The following COLEC11 variants were observed in gnomAD, a reference collection of about 807,000 sequenced individuals.
COLEC11 encodes collectin subfamily member 11, also known as collectin-11.
A neutral mutation model predicts 27.3 loss-of-function variants in COLEC11; 20 were observed. The ratio of observed to expected loss-of-function variants is 0.73; its 90% CI spans 0.51 to 1.06. The LOEUF is 1.06. COLEC11 is among the 50% of genes least tolerant of loss of function. The pLI is 0.00. For synonymous variants in COLEC11, 163 were observed against 154.7 expected (o/e 1.05, Z -0.40); for missense variants, 310 against 383.0 (o/e 0.81, Z 1.59).
chr2:3,613,790 TTCTG>T (rs1236394971), intron 3 of COLEC11, among the ~76,000 whole-genome samples: 2 of 152,162 alleles, frequency 1.3e-5, no homozygotes, highest in Non-Finnish European at 2.9e-5. Context: ...AGTCGTGTGA[TTCTG>T]CCTGCCTCGT....
chr2:3,605,510 T>C (rs148606592), intron 2 of COLEC11, among the ~76,000 whole-genome samples: 15 of 11,796 alleles, frequency 1.3e-3, no homozygotes, highest in East Asian at 5.7e-3. Flanking sequence ...ACGTGGGTGC[T>C]GAGGAGGCGG....
In COLEC11 at chr2:3,624,482, A is replaced by C. The variant is rs116597037; in HGVS notation, c.202+11100A>C. On this transcript the variant is annotated intron_variant, in intron 3 of 6. Coordinates refer to ENST00000349077, the MANE Select transcript of COLEC11 (RefSeq NM_024027.5). ...CAGTATTGGAGGTGAGACAAGAAAGAAGCAGACTTTTTTTGGGCAGCATCC... is the reference window on the plus strand; with the variant it reads ...CAGTATTGGAGGTGAGACAAGAAAGCAGCAGACTTTTTTTGGGCAGCATCC... 3.6e-3 allele frequency among the ~76,000 whole-genome samples: 545 copies of C among 152,210 alleles called. 3 individuals carry two copies. The highest frequency in any genetic ancestry group is 0.012 in the African/African-American group (518 of 41,502).
chr2:3,613,297 G>C lies in COLEC11; in HGVS notation c.131-14G>C, dbSNP rs762310425. The C allele has an allele frequency of 6.2e-7, 1 of 1,607,130 alleles. No homozygotes were observed. On this transcript the variant is annotated splice_polypyrimidine_tract_variant and intron_variant, in intron 2 of 6. Transcript: ENST00000349077. ...GCCAGACGAGCTGCTAAATGGATGT[G>C]ACTTCTTCCACAGGGGATGCGGGAG...
chr2:3,616,609 A>G (rs1663759206), intron 3 of COLEC11, among the ~76,000 whole-genome samples: 2 of 152,144 alleles, frequency 1.3e-5, no homozygotes, highest in Non-Finnish European at 2.9e-5. Flanking sequence ...AAATACGAAA[A>G]CCAGTCAGGC....
chr2:3,618,174 A>G (rs575710947), intron 3 of COLEC11, among the ~76,000 whole-genome samples: 4 of 152,236 alleles, frequency 2.6e-5, no homozygotes, highest in African/African-American at 9.6e-5. Flanking sequence ...TTTCTTTGCT[A>G]TGCAGAAACT....
chr2:3,597,760 A>G (rs558177074), intron 1 of COLEC11, among the ~76,000 whole-genome samples: 19 of 152,080 alleles, frequency 1.2e-4, no homozygotes, highest in African/African-American at 4.3e-4. Context: ...GTGGGGAGGA[A>G]GAGTTTACTA....
At chr2:3,642,892 C>T (rs1022121488) in intron 5 of COLEC11, among the ~76,000 whole-genome samples, 4 of 152,204 alleles carry the variant, frequency 2.6e-5, no homozygotes, top group African/African-American at 7.2e-5. Context: ...TGTGTGCCCA[C>T]GATGCCCAGC....
intron 3 of COLEC11, among the ~76,000 whole-genome samples, chr2:3,631,582 A>G (rs1665003875): frequency 6.6e-6 from 1 of 152,158 alleles, no homozygotes; most frequent in South Asian, 2.1e-4. Flanking sequence ...GCAGAAGGGA[A>G]TAAGGAGGGA....
intron 3 of COLEC11, among the ~76,000 whole-genome samples, chr2:3,614,878 A>T: frequency 6.6e-6 from 1 of 152,250 alleles, no homozygotes; most frequent in East Asian, 1.9e-4. Flanking sequence ...AATATCACAT[A>T]CAAAGAATTA....
intron 2 of COLEC11, among the ~76,000 whole-genome samples, chr2:3,612,487 A>C (rs1454559056): frequency 3.3e-5 from 5 of 151,746 alleles, no homozygotes; most frequent in Admixed American, 6.5e-5. Context: ...GGCACAGAGT[A>C]GGGAAAGACC....
At chr2:3,620,869 T>A (rs1664133603) in intron 3 of COLEC11, among the ~76,000 whole-genome samples, 1 of 152,242 alleles carries the variant, frequency 6.6e-6, no homozygotes, top group Non-Finnish European at 1.5e-5. Context: ...TGATTCCTAG[T>A]TTTATCCTGT....
At chr2:3,624,738 C>T (rs1226977681) in intron 3 of COLEC11, among the ~76,000 whole-genome samples, 1 of 152,234 alleles carries the variant, frequency 6.6e-6, no homozygotes, top group African/African-American at 2.4e-5. Context: ...AACTTCTCCA[C>T]TGGACTTCCA....
intron 5 of COLEC11, among the ~76,000 whole-genome samples, chr2:3,641,741 G>A (rs1362235582): frequency 1.3e-5 from 2 of 152,224 alleles, no homozygotes; most frequent in Non-Finnish European, 2.9e-5. Flanking sequence ...CACGTATGAG[G>A]GCGAGGAAGG....
At chr2:3,637,351 C>T (rs994546934) in intron 3 of COLEC11, among the ~76,000 whole-genome samples, 182 bp from the exon 4 acceptor site, 10 of 152,082 alleles carry the variant, frequency 6.6e-5, no homozygotes, top group Admixed American at 2.0e-4. Context: ...TATCAACAGG[C>T]GACCTGCCTG....
At chr2:3,599,186 T>G (rs1300453746) in intron 1 of COLEC11, among the ~76,000 whole-genome samples, 3 of 152,212 alleles carry the variant, frequency 2.0e-5, no homozygotes, top group African/African-American at 4.8e-5. Context: ...TGCGTGATGG[T>G]GCTGATCTCT....
chr2:3,642,313 G>A (rs893501266), intron 5 of COLEC11, among the ~76,000 whole-genome samples: 7 of 152,186 alleles, frequency 4.6e-5, no homozygotes, highest in Non-Finnish European at 1.0e-4. Flanking sequence ...AGCAGCACGC[G>A]TGTGGTCACA....
intron 2 of COLEC11, chr2:3,606,061 T>G (rs1662667755): frequency 6.5e-7 from 1 of 1,547,628 alleles, no homozygotes. Flanking sequence ...TCAGAAGTTT[T>G]GGTGAAAGTG....
rs114664972 is a variant in COLEC11 at position 3,606,464 on chromosome 2, C to T, written c.130+1994C>T. Among the ~76,000 whole-genome samples, 1,195 of 152,300 alleles carry T rather than the reference C, an allele frequency of 7.8e-3. 23 individuals carry two copies. Among genetic ancestry groups the T allele is most frequent in the African/African-American group, 0.027 (1,128 of 41,570 alleles). ...GCTGTGGGTCAGCCGTCCTGCGTGACGGGTCACCTGTCCTCCCAAGCCTCG... is the reference window on the plus strand; with the variant it reads ...GCTGTGGGTCAGCCGTCCTGCGTGATGGGTCACCTGTCCTCCCAAGCCTCG... On this transcript the variant is annotated intron_variant, in intron 2 of 6. Transcript: ENST00000349077.
chr2:3,627,057 A>G (rs1426958805), intron 3 of COLEC11, among the ~76,000 whole-genome samples: 1 of 152,112 alleles, frequency 6.6e-6, no homozygotes, highest in African/African-American at 2.4e-5. Context: ...AGCTCGTTGC[A>G]GCGGGGGCAC....
Sources: allele counts gnomAD v4.1 joint callset (sites outside exome capture counted in the v4.1 genomes callset), GRCh38; gene constraint gnomAD v4.1.1; transcripts MANE v1.5; gene names NCBI Gene and HGNC (gene_info 2026-07-23, HGNC 2026-07-21).